Variants in BACH2 observed in about 807,000 individuals in gnomAD.
BACH2 encodes the protein BACH transcriptional regulator 2, also known as transcription regulator protein BACH2.
BACH2 carries 5 observed loss-of-function variants against 61.8 expected under a neutral mutation model. That is an observed-to-expected ratio of 0.08 (90% CI 0.04 to 0.17). BACH2 has a LOEUF of 0.17. BACH2 is among the 10% of genes least tolerant of loss of function. The pLI is 1.00. For synonymous variants in BACH2, 446 were observed against 440.1 expected, an observed-to-expected ratio of 1.01 and a Z score of -0.17; for missense variants, 824 against 1,091.1, an observed-to-expected ratio of 0.76 and a Z score of 3.45.
intron 8 of BACH2, among the ~76,000 whole-genome samples, chr6:89,936,145 G>C (rs1022408269): frequency 6.6e-6 from 1 of 152,210 alleles, no homozygotes; most frequent in Non-Finnish European, 1.5e-5. Context: ...CCTTGTCCTT[G>C]AGGAACTGAC....
At position 90,212,322 on chromosome 6, in the gene BACH2, C is replaced by G. The variant is rs1262345134; in HGVS notation, c.-274-5641G>C. Among the ~76,000 whole-genome samples the G allele has an allele frequency of 2.6e-5, 4 of 152,254 alleles. No individual in the cohort carries two copies. The East Asian group carries it at 7.7e-4, about 29-fold the overall frequency. ...TCCTGCCCCCTTCCCCCAATGCATACACACCTTCTTTCCAAGTGGCTGGCT... is the reference window on the plus strand; with the variant it reads ...TCCTGCCCCCTTCCCCCAATGCATAGACACCTTCTTTCCAAGTGGCTGGCT... On this transcript the variant is annotated intron_variant, in intron 3 of 8. Transcript: ENST00000257749.
At position 90,245,582 on chromosome 6, in the gene BACH2, T is replaced by C. The variant is rs557812621; in HGVS notation, c.-275+6931A>G. 2.4e-4 allele frequency among the ~76,000 whole-genome samples: 36 copies of C among 152,294 alleles called. No homozygotes were observed. The South Asian group carries it at 7.2e-3, about 31-fold the overall frequency. On this transcript the variant is annotated intron_variant, in intron 3 of 8. Coordinates refer to ENST00000257749, the MANE Select transcript of BACH2 (RefSeq NM_021813.4). Reference sequence around the variant, plus strand: ...CCATCTCTGAAGAATTTTTTAAATTTAAAAACAAAAGAGTAAGCAGACATT... The same window carrying C: ...CCATCTCTGAAGAATTTTTTAAATTCAAAAACAAAAGAGTAAGCAGACATT...
intron 5 of BACH2, among the ~76,000 whole-genome samples, chr6:90,039,067 C>T (rs1036199095): frequency 6.6e-6 from 1 of 151,378 alleles, no homozygotes; most frequent in African/African-American, 2.4e-5. Context: ...AGTTTACATA[C>T]TAAGCCATGA....
intron 3 of BACH2, among the ~76,000 whole-genome samples, chr6:90,230,516 G>A (rs1291070268): frequency 6.6e-6 from 1 of 152,204 alleles, no homozygotes; most frequent in African/African-American, 2.4e-5. Context: ...GCAACTGACT[G>A]TCTTCTGTCT....
intron 4 of BACH2, among the ~76,000 whole-genome samples, chr6:90,130,103 T>C (rs1304633916): frequency 6.6e-6 from 1 of 152,160 alleles, no homozygotes; most frequent in Admixed American, 6.5e-5. Flanking sequence ...ACCCCTGACC[T>C]CATGTGATCT....
Position 90,008,635 on chromosome 6 carries a change from T to G in BACH2, c.210A>C (p.Thr70=). Residue 70 remains threonine (T), a synonymous_variant, in exon 6 of 9, where the codon ACA becomes ACC. Coordinates refer to ENST00000257749, the MANE Select transcript of BACH2 (RefSeq NM_021813.4). The surrounding 1 kb of genome is among the most constrained non-coding windows in gnomAD (Gnocchi z 4.1). ...GCAAGCTGACCACCAAATCATTTTT[T>G]GTCTGTCCAACCAGCGCCTGCCAAA... ...EYFWQALVGQ[T]KNDLVVSLPE... is the part of the protein sequence containing the mutation. 6.2e-7 allele frequency: 1 copy of G among 1,614,242 alleles called. No homozygotes were observed. Among genetic ancestry groups the G allele is most frequent in the African/African-American group, 1.3e-5 (1 of 75,060 alleles).
rs377384379 is a variant in BACH2 at position 90,003,363 on chromosome 6, C to T, written c.243+5239G>A. 2.6e-5 allele frequency among the ~76,000 whole-genome samples: 4 copies of T among 152,228 alleles called. No individual in the cohort carries two copies. In the South Asian group the frequency reaches 8.3e-4, roughly 31 times the overall value. ...GCACAGCCAGCTCCCTCACCTGCTC[C>T]AGGTCTCTCTTCAAAAGTCACCCCC... On this transcript the variant is annotated intron_variant, in intron 6 of 8. Coordinates refer to ENST00000257749, the MANE Select transcript of BACH2 (RefSeq NM_021813.4).
In BACH2 at chr6:90,293,047, G is replaced by A. The variant is rs541582072; in HGVS notation, c.-446+3433C>T. On this transcript the variant is annotated intron_variant, in intron 1 of 8. Coordinates refer to ENST00000257749, the MANE Select transcript of BACH2 (RefSeq NM_021813.4). ...GCAGGGCTCAGTGAAAAATGAAAACGAGGGGCCCTTTGTTCAAAAATTATT... is the reference window on the plus strand; with the variant it reads ...GCAGGGCTCAGTGAAAAATGAAAACAAGGGGCCCTTTGTTCAAAAATTATT... Among the ~76,000 whole-genome samples, 4 of 152,282 alleles carry A rather than the reference G, an allele frequency of 2.6e-5. No individual in the cohort carries two copies. The South Asian group carries it at 8.3e-4, about 32-fold the overall frequency.
intron 4 of BACH2, among the ~76,000 whole-genome samples, chr6:90,103,050 T>TTTTTTG (rs1782745235): frequency 7.3e-6 from 1 of 137,084 alleles, no homozygotes; most frequent in Non-Finnish European, 1.5e-5. Context: ...TTTTTTTTTT[T>TTTTTTG]TACCAGACTA....
At chr6:90,184,974 T>C (rs377154829) in intron 4 of BACH2, among the ~76,000 whole-genome samples, 29 of 152,302 alleles carry the variant, frequency 1.9e-4, no homozygotes, top group Admixed American at 6.5e-4. Flanking sequence ...GTGAGTTCTT[T>C]AGAGACTGAA....
At chr6:90,221,539 G>A (rs1343793008) in intron 3 of BACH2, among the ~76,000 whole-genome samples, 2 of 152,178 alleles carry the variant, frequency 1.3e-5, no homozygotes, top group Non-Finnish European at 2.9e-5. Context: ...GGTCATCAGA[G>A]AAATAAGTTG....
intron 3 of BACH2, among the ~76,000 whole-genome samples, chr6:90,208,684 T>G (rs893680123): frequency 6.6e-6 from 1 of 152,158 alleles, no homozygotes; most frequent in African/African-American, 2.4e-5. Flanking sequence ...ACCATTTGAC[T>G]CAGCAATCCC....
chr6:89,982,863 C>T (rs537103417), intron 6 of BACH2, among the ~76,000 whole-genome samples: 4 of 152,200 alleles, frequency 2.6e-5, no homozygotes, highest in African/African-American at 9.7e-5. Flanking sequence ...ACAATCTCCC[C>T]CATATCTCTT....
chr6:90,192,544 C>T (rs186367666), intron 4 of BACH2, among the ~76,000 whole-genome samples: 3 of 152,224 alleles, frequency 2.0e-5, no homozygotes, highest in East Asian at 1.9e-4. Flanking sequence ...GCAGGTTATA[C>T]AACCGTCTTC....
At chr6:89,977,673 A>T (rs1775726816) in intron 6 of BACH2, among the ~76,000 whole-genome samples, 1 of 152,244 alleles carries the variant, frequency 6.6e-6, no homozygotes, top group Non-Finnish European at 1.5e-5. Context: ...TATTACTTCA[A>T]ATGGAGCCTA....
intron 1 of BACH2, among the ~76,000 whole-genome samples, chr6:90,277,301 G>A (rs1332826147): frequency 6.6e-6 from 1 of 152,158 alleles, no homozygotes; most frequent in African/African-American, 2.4e-5. Context: ...ATAGCATGGA[G>A]AATGAAAAAT....
chr6:90,007,357 G>C (rs1360146836), intron 6 of BACH2, among the ~76,000 whole-genome samples: 1 of 151,798 alleles, frequency 6.6e-6, no homozygotes, highest in African/African-American at 2.4e-5. Flanking sequence ...TTTAAAGATG[G>C]GGTCTTGCTA....
intron 6 of BACH2, among the ~76,000 whole-genome samples, chr6:89,985,245 G>C (rs1400537353): frequency 6.6e-6 from 1 of 152,206 alleles, no homozygotes; most frequent in Non-Finnish European, 1.5e-5. Context: ...AAGTTTCCAA[G>C]CATCTACTGT....
intron 1 of BACH2, among the ~76,000 whole-genome samples, chr6:90,283,825 T>C (rs926258468): frequency 6.6e-6 from 1 of 151,928 alleles, no homozygotes; most frequent in Non-Finnish European, 1.5e-5. Context: ...CTGGCAAACA[T>C]GGTGAAACCC....
Sources: gnomAD v4.1 joint callset for allele counts (sites outside exome capture counted in the v4.1 genomes callset) on GRCh38, gnomAD v4.1.1 for gene constraint, Gnocchi (gnomAD v3.1) non-coding constraint, MANE v1.5 for transcripts, NCBI Gene and HGNC (gene_info 2026-07-23, HGNC 2026-07-21) for gene names.